The following CPED1 variants were observed in gnomAD, a reference collection of about 807,000 sequenced individuals.
CPED1 encodes the protein cadherin like and PC-esterase domain containing 1, also known as cadherin-like and PC-esterase domain-containing protein 1.
CPED1 carries 114 observed loss-of-function variants against 128.2 expected under a neutral mutation model. The observed-to-expected ratio is 0.89, with a 90% confidence interval of 0.76 to 1.04. The LOEUF (loss-of-function observed/expected upper bound fraction) is 1.04, where lower values mean the gene tolerates loss of function less well. Among genes scored for constraint, CPED1 ranks in the 50% least tolerant of loss-of-function variants. The pLI is 0.00. For missense variants in CPED1, 1,211 were observed against 1,207.1 expected (o/e 1.00, Z -0.05); for synonymous variants, 462 against 426.7 (o/e 1.08, Z -1.02).
chr7:121,226,373 C>T lies in CPED1; in HGVS notation c.2056-10341C>T, dbSNP rs557728149. On this transcript the variant is annotated intron_variant, in intron 16 of 22. Transcript: ENST00000310396. ...GTTGATCATGCTGGGAGCTGCAGAC[C>T]GGAGCTGTTCCTGTTCAGCCATCTT... 2.9e-3 allele frequency among the ~76,000 whole-genome samples: 439 copies of T among 152,078 alleles called. 3 individuals carry two copies. The highest frequency in any genetic ancestry group is 4.9e-3 in the Non-Finnish European group (333 of 67,974).
At chr7:121,202,526 T>C (rs1228640733) in intron 16 of CPED1, among the ~76,000 whole-genome samples, 1 of 152,084 alleles carries the variant, frequency 6.6e-6, no homozygotes, top group Admixed American at 6.5e-5. Flanking sequence ...ACAAGACAGT[T>C]GTTTCAAGAA....
chr7:121,089,948 A>G (rs1399138667), intron 5 of CPED1, among the ~76,000 whole-genome samples: 2 of 152,210 alleles, frequency 1.3e-5, no homozygotes, highest in African/African-American at 2.4e-5. Flanking sequence ...TAATAAAACA[A>G]TCTTTCATGC....
chr7:121,067,375 T>A (rs1158629031), intron 5 of CPED1, among the ~76,000 whole-genome samples: 1 of 152,162 alleles, frequency 6.6e-6, no homozygotes, highest in Non-Finnish European at 1.5e-5. Context: ...TTTGTTTTTT[T>A]GTCCTTGCGA....
chr7:121,114,786 T>A (rs536243687), intron 7 of CPED1, among the ~76,000 whole-genome samples: 1 of 152,308 alleles, frequency 6.6e-6, no homozygotes, highest in South Asian at 2.1e-4. Flanking sequence ...TTTTATTTTT[T>A]AAAAAAAGTT....
chr7:121,196,922 G>A (rs987860189), intron 16 of CPED1, among the ~76,000 whole-genome samples: 2 of 151,836 alleles, frequency 1.3e-5, no homozygotes, highest in East Asian at 3.9e-4. Flanking sequence ...ACACCATTTG[G>A]TTGCCATTAC....
In CPED1 at chr7:121,140,985, G is replaced by A. The variant is rs1347785959; in HGVS notation, c.1858G>A (p.Val620Met). The change falls in exon 15 of 23, where the codon GTG (valine) becomes ATG (methionine). Residue 620 changes from valine (V) to methionine (M), a missense_variant. Transcript: ENST00000310396. ...GVETPKCLCK[V>M]HLYEQAGPSF... Reference sequence around the variant, plus strand: ...GGAAACTCCTAAGTGTCTGTGCAAGGTGCACCTGTACGAGCAGGCAGGGCC... The same window carrying A: ...GGAAACTCCTAAGTGTCTGTGCAAGATGCACCTGTACGAGCAGGCAGGGCC... The A allele has an allele frequency of 2.5e-6, 4 of 1,611,584 alleles. No homozygotes were observed. Among genetic ancestry groups the A allele is most frequent in the Non-Finnish European group, 3.4e-6 (4 of 1,178,910 alleles).
rs1309798136 is a variant in CPED1 at position 121,295,476 on chromosome 7, A to G, written c.2905A>G (p.Ile969Val). The change falls in exon 23 of 23, where the codon ATT becomes GTT. Residue 969 changes from isoleucine to valine, a missense_variant. Physicochemically the swap from Ile to Val is conservative, Grantham distance 29 (BLOSUM62 3). Coordinates refer to ENST00000310396, the MANE Select transcript of CPED1 (RefSeq NM_024913.5). ...KSKLSKEYNF[I>V]KMKRSRNHIM... The stretch of plus-strand genomic sequence containing the variant: ...AAAGTTATCCAAAGAATATAACTTT[A>G]TTAAAATGAAAAGATCAAGAAATCA... 1 of 1,613,478 alleles carries G rather than the reference A, an allele frequency of 6.2e-7. No individual in the cohort carries two copies. The highest frequency in any genetic ancestry group is 2.2e-5 in the East Asian group (1 of 44,814).
At chr7:121,285,650 A>G (rs1792552120) in intron 22 of CPED1, among the ~76,000 whole-genome samples, 1 of 152,192 alleles carries the variant, frequency 6.6e-6, no homozygotes, top group Non-Finnish European at 1.5e-5. Context: ...CCTTTGCTCT[A>G]GTTCCCAACA....
chr7:121,289,550 T>C (rs1455257121), intron 22 of CPED1, among the ~76,000 whole-genome samples: 2 of 152,134 alleles, frequency 1.3e-5, no homozygotes, highest in African/African-American at 2.4e-5. Context: ...CTCTTCCAAA[T>C]AGATATCATG....
chr7:121,010,386 G>A (rs1792127781), intron 2 of CPED1, among the ~76,000 whole-genome samples: 1 of 152,046 alleles, frequency 6.6e-6, no homozygotes, highest in Admixed American at 6.6e-5. Context: ...GAGTAGCTGG[G>A]ATTACAGGCA....
chr7:121,148,021 C>T (rs1266609733), intron 16 of CPED1, among the ~76,000 whole-genome samples: 1 of 152,080 alleles, frequency 6.6e-6, no homozygotes, highest in African/African-American at 2.4e-5. Context: ...TGATAGTTAT[C>T]TAATAGCAAA....
intron 18 of CPED1, among the ~76,000 whole-genome samples, chr7:121,263,154 A>AGTCACTAAT (rs1792053647): frequency 6.6e-6 from 1 of 152,044 alleles, no homozygotes; most frequent in South Asian, 2.1e-4. Context: ...AGCTCTTGCT[A>AGTCACTAAT]GTCACTAATC....
Position 121,125,891 on chromosome 7 carries a change from A to C in CPED1, c.1133A>C (p.Gln378Pro). 1 of 1,606,762 alleles carries C rather than the reference A, an allele frequency of 6.2e-7. No individual in the cohort carries two copies. The highest frequency in any genetic ancestry group is 8.5e-7 in the Non-Finnish European group (1 of 1,173,430). ...YGSFMYPVVL[Q>P]VHEHLNFQDY... ...AGTTTCATGTACCCTGTAGTGCTCC[A>C]GGTCAGTATGCCAAAGGCCTCATGT... Residue 378 changes from glutamine (Q) to proline (P), a missense_variant and splice_region_variant, in exon 9 of 23, where the codon CAG (glutamine) becomes CCG (proline). By Grantham distance (76) the Gln-to-Pro change is moderately conservative (BLOSUM62 -1). Transcript: ENST00000310396.
intron 21 of CPED1, among the ~76,000 whole-genome samples, chr7:121,270,394 T>C (rs1246815516): frequency 6.6e-6 from 1 of 152,148 alleles, no homozygotes; most frequent in East Asian, 1.9e-4. Context: ...TTTAATTAGG[T>C]TCCACTTATC....
chr7:121,222,422 T>A (rs1250920771), intron 16 of CPED1, among the ~76,000 whole-genome samples: 1 of 152,188 alleles, frequency 6.6e-6, no homozygotes, highest in African/African-American at 2.4e-5. Flanking sequence ...TTGCTTAGGA[T>A]TGTCATGGCA....
chr7:121,243,097 A>G (rs1798440402), intron 17 of CPED1, among the ~76,000 whole-genome samples: 1 of 152,092 alleles, frequency 6.6e-6, no homozygotes, highest in South Asian at 2.1e-4. Flanking sequence ...AGAATGGACA[A>G]AGTTTTTAAG....
At chr7:121,148,579 A>C (rs1167100870) in intron 16 of CPED1, among the ~76,000 whole-genome samples, 2 of 152,168 alleles carry the variant, frequency 1.3e-5, no homozygotes, top group African/African-American at 4.8e-5. Context: ...AAATTGAGGA[A>C]GAAAGAGAAC....
intron 2 of CPED1, among the ~76,000 whole-genome samples, chr7:120,992,278 T>C (rs1285938774): frequency 6.6e-6 from 1 of 152,202 alleles, no homozygotes; most frequent in East Asian, 1.9e-4. Flanking sequence ...GATTTTGTTA[T>C]TACTTTTATT....
intron 16 of CPED1, among the ~76,000 whole-genome samples, chr7:121,180,316 A>G (rs1482163079): frequency 6.6e-6 from 1 of 152,080 alleles, no homozygotes; most frequent in African/African-American, 2.4e-5. Context: ...AAGGTAACAC[A>G]CAAATGGATT....
Sources: gnomAD v4.1 joint callset for allele counts (sites outside exome capture counted in the v4.1 genomes callset) on GRCh38, gnomAD v4.1.1 for gene constraint, MANE v1.5 for transcripts, NCBI Gene and HGNC (gene_info 2026-07-23, HGNC 2026-07-21) for gene names.